The following KIAA0513 variants were observed in gnomAD, a reference collection of about 807,000 sequenced individuals.
KIAA0513 encodes KIAA0513.
A neutral mutation model predicts 56.5 loss-of-function variants in KIAA0513; 39 were observed. That is an observed-to-expected ratio of 0.69 (90% CI 0.53 to 0.90). The LOEUF is 0.90. Among genes scored for constraint, KIAA0513 ranks in the 40% least tolerant of loss-of-function variants. The pLI is 0.00. For synonymous variants in KIAA0513, 268 were observed against 215.6 expected (o/e 1.24, Z -2.13); for missense variants, 591 against 535.2 (o/e 1.10, Z -1.03).
chr16:85,087,274 T>A, intron 12 of KIAA0513, 108 bp downstream of exon 12: 1 of 882,976 alleles, frequency 1.1e-6, no homozygotes, highest in Non-Finnish European at 1.9e-6. Flanking sequence ...CGTGTTGCAG[T>A]CGGAAACGTG....
At chr16:85,037,293 G>T (rs2073048032) in intron 1 of KIAA0513, among the ~76,000 whole-genome samples, 1 of 152,030 alleles carries the variant, frequency 6.6e-6, no homozygotes, top group Non-Finnish European at 1.5e-5. Context: ...TGGGAACAGT[G>T]GAACAAATGG....
intron 10 of KIAA0513, among the ~76,000 whole-genome samples, chr16:85,084,232 CTCTTT>C (rs1353186567): frequency 2.2e-5 from 3 of 138,166 alleles, no homozygotes; most frequent in Non-Finnish European, 3.1e-5. Context: ...CAGCTAATTT[CTCTTT>C]TCTTTTCTTT....
Position 85,066,939 on chromosome 16 carries a change from C to A in KIAA0513, c.-133C>A. ...GGTGAGCTGCTGTGAAGGACTCATTCTTGGTAGCCGGCAGTTACTGGCAAC... is the reference window on the plus strand; with the variant it reads ...GGTGAGCTGCTGTGAAGGACTCATTATTGGTAGCCGGCAGTTACTGGCAAC... On this transcript the variant is annotated 5_prime_UTR_variant, in exon 2 of 13. Transcript: ENST00000683363. 1 of 676,620 alleles carries A rather than the reference C, an allele frequency of 1.5e-6. No individual in the cohort carries two copies. The highest frequency in any genetic ancestry group is 2.4e-6 in the Non-Finnish European group (1 of 410,430). The allele number at this position is 676,620 out of a possible 1,614,324, so 41.9% of individuals were successfully genotyped here. A position where few individuals can be genotyped will look rare whatever the true frequency, so the allele number is the denominator to read the frequency against.
chr16:85,067,157 CT>C lies in KIAA0513; in HGVS notation c.87del (p.Val30CysfsTer111). ...TCTTCTCCCCTGGAGGCACCACCCC[CT>C]GTGCTGCAGGACGGCGATGGCTCCC... ...PTSSPLEAPP[P>X]VLQDGDGSLG... On this transcript the variant is annotated frameshift_variant, in exon 2 of 13. Coordinates refer to ENST00000683363, the MANE Select transcript of KIAA0513 (RefSeq NM_001388359.1). 6.2e-7 allele frequency: 1 copy of C among 1,614,148 alleles called. No homozygotes were observed. The highest frequency in any genetic ancestry group is 1.3e-5 in the African/African-American group (1 of 75,052).
intron 6 of KIAA0513, among the ~76,000 whole-genome samples, 154 bp downstream of exon 6, chr16:85,077,786 T>A (rs534287156): frequency 3.9e-5 from 6 of 152,044 alleles, no homozygotes; most frequent in Admixed American, 6.5e-5. Context: ...CGGCTTGCTA[T>A]GGTCTGCAAA....
At chr16:85,034,964 C>T (rs933148129) in intron 1 of KIAA0513, among the ~76,000 whole-genome samples, 2 of 152,158 alleles carry the variant, frequency 1.3e-5, no homozygotes, top group Admixed American at 6.5e-5. Context: ...CCCCTGTCAC[C>T]GGAGACAAGT....
rs746589223 is a variant in KIAA0513 at position 85,076,971 on chromosome 16, A to G, written c.575-454A>G. 1.2e-4 allele frequency among the ~76,000 whole-genome samples: 19 copies of G among 152,224 alleles called. No homozygotes were observed. The highest frequency in any genetic ancestry group is 1.9e-4 in the Non-Finnish European group (13 of 68,008). On this transcript the variant is annotated intron_variant, in intron 5 of 12. Transcript: ENST00000683363. The surrounding 1 kb of genome is among the most constrained non-coding windows in gnomAD (Gnocchi z 4.7). ...CATCCTGTGGGGGTGCCAGGGCCTC[A>G]TGTCCATCCACTGGCTAAGGGAGTT...
At chr16:85,067,728 G>A (rs1202411475) in intron 2 of KIAA0513, among the ~76,000 whole-genome samples, 2 of 152,176 alleles carry the variant, frequency 1.3e-5, no homozygotes, top group South Asian at 2.1e-4. Context: ...GGAGGGACAC[G>A]CTCCGGAGTG....
chr16:85,088,631 A>C lies in KIAA0513; in HGVS notation c.*306A>C. 1.2e-5 allele frequency: 4 copies of C among 344,364 alleles called. No individual in the cohort carries two copies. Among genetic ancestry groups the C allele is most frequent in the Non-Finnish European group, 1.6e-5 (3 of 185,668 alleles). 21.3% of individuals were successfully genotyped at this position (344,364 alleles called of 1,614,324 possible). A position where few individuals can be genotyped will look rare whatever the true frequency, so the allele number is the denominator to read the frequency against. On this transcript the variant is annotated 3_prime_UTR_variant, in exon 13 of 13. Coordinates refer to ENST00000683363, the MANE Select transcript of KIAA0513 (RefSeq NM_001388359.1). Reference sequence around the variant, plus strand: ...CAAGAGGGAGGAGGGGAAGGACTCCATGGGCCATCGTGGGCCAAGGGCTGG... The same window carrying C: ...CAAGAGGGAGGAGGGGAAGGACTCCCTGGGCCATCGTGGGCCAAGGGCTGG...
At position 85,090,741 on chromosome 16, in the gene KIAA0513, T is replaced by A. The variant is rs117341408; in HGVS notation, c.*2416T>A. 1 of 152,422 alleles carries A rather than the reference T, an allele frequency of 6.6e-6. No individual in the cohort carries two copies. Among genetic ancestry groups the A allele is most frequent in the Non-Finnish European group, 1.5e-5 (1 of 68,082 alleles). The allele number at this position is 152,422 out of a possible 1,614,324, so 9.4% of individuals were successfully genotyped here. On this transcript the variant is annotated 3_prime_UTR_variant, in exon 13 of 13. Coordinates refer to ENST00000683363, the MANE Select transcript of KIAA0513 (RefSeq NM_001388359.1). The stretch of plus-strand genomic sequence containing the variant: ...CACAGGATGCCGGAGAGACAGCCCC[T>A]TGTGCTGTGAGCAGAGCAGGCAGTG...
At chr16:85,065,134 T>C (rs189707782) in intron 1 of KIAA0513, among the ~76,000 whole-genome samples, 155 of 152,360 alleles carry the variant, frequency 1.0e-3, no homozygotes, top group African/African-American at 3.5e-3. Flanking sequence ...TTTACTAGTG[T>C]GTGGTTTTTC....
chr16:85,087,256 A>G (rs2073820362), intron 12 of KIAA0513, 90 bp downstream of exon 12: 2 of 1,036,444 alleles, frequency 1.9e-6, no homozygotes, highest in African/African-American at 3.1e-5. Context: ...CACTGCCAGA[A>G]GGCATGTCGT....
chr16:85,084,962 C>T (rs2073791872), intron 10 of KIAA0513, among the ~76,000 whole-genome samples: 1 of 152,204 alleles, frequency 6.6e-6, no homozygotes. Flanking sequence ...TTAAATGTCC[C>T]AGCTTTCGTC....
At chr16:85,053,302 G>T (rs369590955) in intron 1 of KIAA0513, among the ~76,000 whole-genome samples, 1 of 152,202 alleles carries the variant, frequency 6.6e-6, no homozygotes, top group South Asian at 2.1e-4. Flanking sequence ...AACACCCAGC[G>T]AATGAATGAA....
chr16:85,064,577 A>C (rs1370009521), intron 1 of KIAA0513, among the ~76,000 whole-genome samples: 1 of 152,150 alleles, frequency 6.6e-6, no homozygotes, highest in Non-Finnish European at 1.5e-5. Flanking sequence ...ATAGTTTTTA[A>C]ATTTTTGCTA....
chr16:85,033,009 G>A (rs571840101), intron 1 of KIAA0513, among the ~76,000 whole-genome samples: 3 of 152,206 alleles, frequency 2.0e-5, no homozygotes, highest in South Asian at 2.1e-4. Flanking sequence ...CAGGGGTTGC[G>A]GCGGGTGTGC....
intron 1 of KIAA0513, among the ~76,000 whole-genome samples, chr16:85,064,894 A>G (rs34839449): frequency 0.067 from 10,146 of 152,248 alleles, 363 homozygotes; most frequent in Middle Eastern, 0.088. Context: ...CATGTTGCCC[A>G]GGCTGGTCTT....
rs2073837218 is a variant in KIAA0513, at chr16:85,088,679, A to ATGCAGGCAGGACAGCCATGAGGTGGGGC, written c.*360_*387dup. On this transcript the variant is annotated 3_prime_UTR_variant, in exon 13 of 13. Coordinates refer to ENST00000683363, the MANE Select transcript of KIAA0513 (RefSeq NM_001388359.1). ...TGGCGAGGGTGGGGGCGGGCAAGGG[A>ATGCAGGCAGGACAGCCATGAGGTGGGGC]TGCAGGCAGGACAGCCATGAGGTGG... The ATGCAGGCAGGACAGCCATGAGGTGGGGC allele has an allele frequency of 4.0e-6, 1 of 252,872 alleles. No homozygotes were observed. Among genetic ancestry groups the ATGCAGGCAGGACAGCCATGAGGTGGGGC allele is most frequent in the African/African-American group, 2.2e-5 (1 of 44,974 alleles). The allele number at this position is 252,872 out of a possible 1,614,324, so 15.7% of individuals were successfully genotyped here.
intron 1 of KIAA0513, among the ~76,000 whole-genome samples, chr16:85,048,835 C>A (rs2073207682): frequency 6.6e-6 from 1 of 152,192 alleles, no homozygotes; most frequent in Non-Finnish European, 1.5e-5. Context: ...CCACAAATGA[C>A]CTGTAGAAAA....
Sources: allele counts gnomAD v4.1 joint callset (sites outside exome capture counted in the v4.1 genomes callset), GRCh38; gene constraint gnomAD v4.1.1; non-coding constraint Gnocchi (gnomAD v3.1); transcripts MANE v1.5; gene names NCBI Gene and HGNC (gene_info 2026-07-23, HGNC 2026-07-21).